Variants in MED13L observed in about 807,000 individuals in gnomAD.
MED13L encodes the protein mediator of RNA polymerase II transcription subunit 13-like.
A neutral mutation model predicts 220.9 loss-of-function variants in MED13L; 7 were observed. The ratio of observed to expected loss-of-function variants is 0.03; its 90% CI spans 0.02 to 0.06. The LOEUF is 0.06. MED13L is among the 10% of genes least tolerant of loss of function. The pLI, the probability that MED13L is intolerant of heterozygous loss-of-function variation, is 1.00. For synonymous variants in MED13L, 1,011 were observed against 1,015.2 expected (o/e 1.00, Z 0.08); for missense variants, 1,965 against 2,760.5 (o/e 0.71, Z 6.46).
Position 115,968,998 on chromosome 12 carries a change from A to G in MED13L, c.6167T>C (p.Val2056Ala). ...TCCAGAAGGAGAGCCTGGGGAGGGT[A>G]CTGGGGAAGAGTTGGGAGAGGAATG... ...NLHSSPNSSP[V>A]PSPGSPSGIG... Residue 2056 changes from valine to alanine, a missense_variant, in exon 28 of 31, where the codon GTA becomes GCA. Physicochemically the swap from Val to Ala is moderately conservative, Grantham distance 64 (BLOSUM62 0). Coordinates refer to ENST00000281928, the MANE Select transcript of MED13L (RefSeq NM_015335.5). The G allele has an allele frequency of 6.2e-7, 1 of 1,614,110 alleles. No homozygotes were observed. The highest frequency in any genetic ancestry group is 1.1e-5 in the South Asian group (1 of 91,086).
chr12:116,226,788 GA>G (rs1869045578), intron 2 of MED13L, among the ~76,000 whole-genome samples: 1 of 149,196 alleles, frequency 6.7e-6, no homozygotes, highest in South Asian at 2.1e-4. Flanking sequence ...GGAACTGCTC[GA>G]ACTCCGGACG....
rs892087222 is a variant in MED13L at position 116,237,499 on chromosome 12, G to A, written c.279C>T (p.Asn93=). 4 of 1,613,118 alleles carry A rather than the reference G, an allele frequency of 2.5e-6. No homozygotes were observed. In the African/African-American group the frequency reaches 5.3e-5, roughly 22 times the overall value. ...LWIFWWGDEP[N]LVGVIHHELQ... Reference sequence around the variant, plus strand: ...GTTCATGATGTATTACACCCACTAGGTTGGGTTCATCTCCCCACCAGAATA... The same window carrying A: ...GTTCATGATGTATTACACCCACTAGATTGGGTTCATCTCCCCACCAGAATA... The change falls in exon 2 of 31, where the codon AAC becomes AAT. Residue 93 remains asparagine (N), a synonymous_variant. Transcript: ENST00000281928.
intron 2 of MED13L, chr12:116,232,098 C>T (rs1015843503): frequency 1.0e-6 from 1 of 985,244 alleles, no homozygotes; most frequent in Admixed American, 6.1e-5. Context: ...TTTTTCCAGG[C>T]TCTCTTATGT....
chr12:116,125,097 A>C (rs971045182), intron 2 of MED13L, among the ~76,000 whole-genome samples: 3 of 152,232 alleles, frequency 2.0e-5, no homozygotes, highest in African/African-American at 7.2e-5. Flanking sequence ...ATTTGTTAAG[A>C]CAGAAAAGAA....
chr12:116,079,845 C>T (rs1457584838), intron 4 of MED13L, among the ~76,000 whole-genome samples: 1 of 152,082 alleles, frequency 6.6e-6, no homozygotes, highest in Non-Finnish European at 1.5e-5. Flanking sequence ...TAAGAATCCA[C>T]ATAAACAAAA....
chr12:116,247,237 T>TAAAAA (rs34866444), intron 1 of MED13L, among the ~76,000 whole-genome samples: 47 of 145,090 alleles, frequency 3.2e-4, no homozygotes, highest in African/African-American at 1.1e-3. Flanking sequence ...AGCTCTGCTT[T>TAAAAA]AAAAAAAAAA....
intron 12 of MED13L, 66 bp downstream of exon 12, chr12:116,006,240 A>C: frequency 7.0e-7 from 1 of 1,422,278 alleles, no homozygotes; most frequent in African/African-American, 1.4e-5. Context: ...TTTTACATTG[A>C]GAAGCATCTC....
At chr12:116,229,538 A>C (rs1222083027) in intron 2 of MED13L, among the ~76,000 whole-genome samples, 1 of 152,198 alleles carries the variant, frequency 6.6e-6, no homozygotes, top group Non-Finnish European at 1.5e-5. Flanking sequence ...ATAGAAAAAA[A>C]CTAATTACAT....
intron 12 of MED13L, 145 bp from the exon 13 acceptor site, chr12:116,006,138 AAT>A (rs2078404885): frequency 7.4e-7 from 1 of 1,354,868 alleles, no homozygotes; most frequent in Admixed American, 2.0e-5. Context: ...ATTATTTCCA[AAT>A]ATGTTTATCA....
At chr12:116,048,269 A>T (rs1036126208) in intron 4 of MED13L, among the ~76,000 whole-genome samples, 2 of 152,204 alleles carry the variant, frequency 1.3e-5, no homozygotes, top group Non-Finnish European at 2.9e-5. Flanking sequence ...TCACTGGGGC[A>T]GTGCTTCAGA....
At chr12:116,173,423 T>C (rs534826262) in intron 2 of MED13L, among the ~76,000 whole-genome samples, 2 of 152,274 alleles carry the variant, frequency 1.3e-5, no homozygotes, top group Non-Finnish European at 1.5e-5. Context: ...GGTAAGGACA[T>C]AGATAGGACT....
At chr12:116,122,694 A>G (rs1043971281) in intron 2 of MED13L, among the ~76,000 whole-genome samples, 1 of 152,212 alleles carries the variant, frequency 6.6e-6, no homozygotes, top group African/African-American at 2.4e-5. Flanking sequence ...TTGCGATTCA[A>G]AATTTTAACA....
At chr12:115,979,925 CA>C (rs2137261018) in intron 23 of MED13L, among the ~76,000 whole-genome samples, 1 of 152,338 alleles carries the variant, frequency 6.6e-6, no homozygotes, top group African/African-American at 2.4e-5. Context: ...GAGATCCACA[CA>C]TATCTGTAGG....
At chr12:116,058,967 T>C (rs1294068477) in intron 4 of MED13L, among the ~76,000 whole-genome samples, 1 of 152,240 alleles carries the variant, frequency 6.6e-6, no homozygotes, top group African/African-American at 2.4e-5. Context: ...GATACTGTGC[T>C]TAAGAAAAAC....
chr12:116,035,171 A>G (rs551059003), intron 4 of MED13L, among the ~76,000 whole-genome samples: 1 of 152,260 alleles, frequency 6.6e-6, no homozygotes, highest in Non-Finnish European at 1.5e-5. Flanking sequence ...CAAACTACAT[A>G]AAAACCTTCA....
intron 2 of MED13L, among the ~76,000 whole-genome samples, chr12:116,135,747 G>A (rs904142129): frequency 6.6e-6 from 1 of 152,114 alleles, no homozygotes; most frequent in Non-Finnish European, 1.5e-5. Context: ...GCAAGTACAT[G>A]TCCCTAAAGC....
intron 2 of MED13L, among the ~76,000 whole-genome samples, chr12:116,196,770 T>A (rs1328590216): frequency 1.3e-5 from 2 of 152,234 alleles, no homozygotes; most frequent in African/African-American, 2.4e-5. Context: ...TGTGTCTACA[T>A]AGCTTAAGAA....
intron 2 of MED13L, among the ~76,000 whole-genome samples, chr12:116,167,698 A>C (rs1008373087): frequency 6.6e-6 from 1 of 152,188 alleles, no homozygotes; most frequent in Non-Finnish European, 1.5e-5. Context: ...TACCCTAAGA[A>C]AGACTGCTAC....
At chr12:116,100,387 T>TC (rs1012852311) in intron 3 of MED13L, among the ~76,000 whole-genome samples, 2 of 149,636 alleles carry the variant, frequency 1.3e-5, no homozygotes, top group African/African-American at 4.9e-5. Context: ...TCACCTGAGG[T>TC]CAGGAGTTTG....
Sources: gnomAD v4.1 joint callset for allele counts (sites outside exome capture counted in the v4.1 genomes callset) on GRCh38, gnomAD v4.1.1 for gene constraint, MANE v1.5 for transcripts, NCBI Gene and HGNC (gene_info 2026-07-23, HGNC 2026-07-21) for gene names.